The following RASSF3 variants were observed in gnomAD, a reference collection of about 807,000 sequenced individuals.
The protein encoded by RASSF3 is ras association domain-containing protein 3.
A neutral mutation model predicts 19.9 loss-of-function variants in RASSF3; 19 were observed. The ratio of observed to expected loss-of-function variants is 0.96; its 90% CI spans 0.67 to 1.40. The LOEUF (loss-of-function observed/expected upper bound fraction) is 1.40. Ranked by LOEUF, RASSF3 falls within the 40% of genes most tolerant of loss-of-function variation. The probability of loss-of-function intolerance (pLI) is 0.00; values close to 1 mark genes in which losing one functional copy is unlikely to be tolerated. For synonymous variants in RASSF3, 110 were observed against 104.2 expected (o/e 1.06, Z -0.34); for missense variants, 306 against 289.8 (o/e 1.06, Z -0.41).
chr12:64,579,346 C>CTTTT (rs1265939630), intron 2 of RASSF3, among the ~76,000 whole-genome samples: 1,244 of 117,032 alleles, frequency 0.011, 51 homozygotes, highest in African/African-American at 0.035. Flanking sequence ...TAGCCAAGTT[C>CTTTT]TTTTTTTTTT....
At chr12:64,549,047 G>A (rs1284099514) in intron 2 of RASSF3, among the ~76,000 whole-genome samples, 2 of 152,192 alleles carry the variant, frequency 1.3e-5, no homozygotes, top group Non-Finnish European at 2.9e-5. Flanking sequence ...TCCCAGAAAA[G>A]TGGGGTACGA....
intron 2 of RASSF3, among the ~76,000 whole-genome samples, chr12:64,575,058 G>A (rs1227292678): frequency 6.6e-6 from 1 of 152,098 alleles, no homozygotes; most frequent in Non-Finnish European, 1.5e-5. Flanking sequence ...CTTAGCCAAT[G>A]CAATAAGGCA....
intron 1 of RASSF3, among the ~76,000 whole-genome samples, chr12:64,629,580 T>C (rs1232415453): frequency 6.6e-6 from 1 of 152,192 alleles, no homozygotes; most frequent in African/African-American, 2.4e-5. Context: ...AATGTGATAA[T>C]ATGAAGAAAT....
At chr12:64,658,616 A>G (rs1210080332) in intron 1 of RASSF3, among the ~76,000 whole-genome samples, 1 of 152,158 alleles carries the variant, frequency 6.6e-6, no homozygotes. Flanking sequence ...AGCCTGGACA[A>G]CATAGTGAAA....
chr12:64,511,442 A>G (rs140093748), intron 1 of RASSF3, among the ~76,000 whole-genome samples: 97 of 152,240 alleles, frequency 6.4e-4, no homozygotes, highest in African/African-American at 2.2e-3. Flanking sequence ...AGACCACACC[A>G]CTGCACTCCA....
chr12:64,664,403 A>G (rs1013430832), intron 1 of RASSF3, among the ~76,000 whole-genome samples: 5 of 152,220 alleles, frequency 3.3e-5, no homozygotes, highest in Non-Finnish European at 5.9e-5. Flanking sequence ...AAAAATATAC[A>G]TATCAGGGAT....
intron 1 of RASSF3, among the ~76,000 whole-genome samples, chr12:64,527,642 T>C (rs759124421): frequency 1.3e-5 from 2 of 152,366 alleles, no homozygotes; most frequent in Middle Eastern, 3.4e-3. Flanking sequence ...AACATTAAAA[T>C]TGATACCAGC....
At chr12:64,678,661 A>AAAAAC (rs1323683663) in intron 1 of RASSF3, among the ~76,000 whole-genome samples, 1 of 151,072 alleles carries the variant, frequency 6.6e-6, no homozygotes, top group Admixed American at 6.6e-5. Flanking sequence ...AAAAAAAAAA[A>AAAAAC]AAAACCAAAC....
At chr12:64,532,234 G>A (rs1002718094), upstream of RASSF3, among the ~76,000 whole-genome samples, 1 of 152,156 alleles carries the variant, frequency 6.6e-6, no homozygotes, top group Non-Finnish European at 1.5e-5. Context: ...CTATTTACAG[G>A]CCTGGTTGAA....
chr12:64,534,093 TA>T (rs2136111197), intron 1 of RASSF3, among the ~76,000 whole-genome samples: 1 of 152,092 alleles, frequency 6.6e-6, no homozygotes, highest in Admixed American at 6.5e-5. Context: ...ACCCCATCTC[TA>T]AAAAAATTTT....
chr12:64,690,370 CAG>C (rs777015780), intron 3 of RASSF3, among the ~76,000 whole-genome samples: 2 of 151,730 alleles, frequency 1.3e-5, no homozygotes, highest in Non-Finnish European at 2.9e-5. Flanking sequence ...TTAGTAGAGA[CAG>C]AGTTTCACCA....
chr12:64,693,194 ATTC>A (rs1398831326), intron 4 of RASSF3, among the ~76,000 whole-genome samples: 1 of 142,344 alleles, frequency 7.0e-6, no homozygotes, highest in Non-Finnish European at 1.5e-5. Context: ...TTCTCCAGGA[ATTC>A]TTCTACCACT....
chr12:64,523,182 G>A (rs1324343472), intron 1 of RASSF3, among the ~76,000 whole-genome samples: 1 of 152,224 alleles, frequency 6.6e-6, no homozygotes, highest in African/African-American at 2.4e-5. Context: ...GAGGCAGGCA[G>A]ATCACCTGAG....
Position 64,694,802 on chromosome 12 carries a change from C to G in RASSF3, c.607C>G (p.Arg203Gly), listed in dbSNP as rs761623426. ...FSLPELQNFL[R>G]ILDKEEDEQL... ...CCTTCCAGAACTACAGAATTTCTTG[C>G]GCATCTTGGACAAGGAAGAAGATGA... The change falls in exon 5 of 5, where the codon CGC (arginine) becomes GGC (glycine). Residue 203 changes from arginine to glycine, a missense_variant. Transcript: ENST00000542104. 13 of 1,614,138 alleles carry G rather than the reference C, an allele frequency of 8.1e-6. No individual in the cohort carries two copies. Among genetic ancestry groups the G allele is most frequent in the East Asian group, 2.2e-5 (1 of 44,890 alleles).
In RASSF3 at chr12:64,665,849, C is replaced by CG. The variant is rs1250995918; in HGVS notation, c.112-18938_112-18937insG. Among the ~76,000 whole-genome samples, 14 of 152,326 alleles carry CG rather than the reference C, an allele frequency of 9.2e-5. No individual in the cohort carries two copies. In the East Asian group the frequency reaches 1.7e-3, roughly 19 times the overall value. On this transcript the variant is annotated intron_variant, in intron 1 of 4. Coordinates refer to ENST00000542104, the MANE Select transcript of RASSF3 (RefSeq NM_178169.4). ...CTCTTTCCTAAGTGCAGTTGAGAAT[C>CG]TTCCTGGGCTGAGCCCCAGTTTGGG...
At chr12:64,562,027 G>A (rs866167691) in intron 2 of RASSF3, among the ~76,000 whole-genome samples, 1 of 52,046 alleles carries the variant, frequency 1.9e-5, no homozygotes. Context: ...ATTTATTTTT[G>A]TTTGTTTTGA....
chr12:64,623,137 A>G (rs1870851654), intron 1 of RASSF3, among the ~76,000 whole-genome samples: 1 of 152,148 alleles, frequency 6.6e-6, no homozygotes, highest in Non-Finnish European at 1.5e-5. Context: ...AAAATTTTCT[A>G]CAAATGCTTG....
chr12:64,600,562 A>T (rs982792484), intron 2 of RASSF3, among the ~76,000 whole-genome samples: 1 of 152,104 alleles, frequency 6.6e-6, no homozygotes, highest in African/African-American at 2.4e-5. Context: ...TGAAGTTTGG[A>T]TTTTGTTTTT....
At chr12:64,631,789 C>T (rs1028493590) in intron 1 of RASSF3, among the ~76,000 whole-genome samples, 12 of 152,024 alleles carry the variant, frequency 7.9e-5, no homozygotes, top group Non-Finnish European at 1.2e-4. Context: ...AGGCTGGTCT[C>T]GTCTCAACCT....
Sources: allele counts gnomAD v4.1 joint callset (sites outside exome capture counted in the v4.1 genomes callset), GRCh38; gene constraint gnomAD v4.1.1; transcripts MANE v1.5; gene names NCBI Gene and HGNC (gene_info 2026-07-23, HGNC 2026-07-21).